GPHN: variants seen among roughly 807,000 people sequenced by gnomAD.
GPHN encodes gephyrin.
In GPHN, 17 loss-of-function variants were observed where a neutral mutation model predicts 95.5. That is an observed-to-expected ratio of 0.18 (90% confidence interval 0.12 to 0.27). GPHN has a LOEUF of 0.27. GPHN is among the 10% of genes least tolerant of loss of function. The pLI is 1.00. For synonymous variants in GPHN, 320 were observed against 322.5 expected (o/e 0.99, Z 0.08); for missense variants, 660 against 978.1 (o/e 0.67, Z 4.34).
At chr14:67,317,495 AG>A in the GPHN span, 1 of 1,561,104 alleles carries the variant, frequency 6.4e-7, no homozygotes, top group South Asian at 1.1e-5. Context: ...TTCTACTCTC[AG>A]GGATAGGTGG....
At chr14:67,629,393 C>CT in the GPHN span, among the ~76,000 whole-genome samples, 1 of 152,290 alleles carries the variant, frequency 6.6e-6, no homozygotes, top group East Asian at 1.9e-4. Context: ...TATGGGTGAA[C>CT]TTTGAGGACA....
the GPHN span, among the ~76,000 whole-genome samples, chr14:67,470,038 C>T: frequency 6.6e-6 from 1 of 152,274 alleles, no homozygotes; most frequent in African/African-American, 2.4e-5. Context: ...TCACATTATG[C>T]CACCTGAGAA....
At chr14:67,481,344 G>T in the GPHN span, among the ~76,000 whole-genome samples, 3 of 152,176 alleles carry the variant, frequency 2.0e-5, no homozygotes, top group Non-Finnish European at 4.4e-5. Flanking sequence ...AATATGGTGT[G>T]CCCCAAGCCC....
At chr14:67,645,619 C>T in the GPHN span, 3 of 1,604,400 alleles carry the variant, frequency 1.9e-6, no homozygotes, top group Non-Finnish European at 2.6e-6. Context: ...AGAGGGCCTT[C>T]AAGATTATAC....
chr14:67,726,373 G>T, the GPHN span, among the ~76,000 whole-genome samples: 2 of 152,156 alleles, frequency 1.3e-5, no homozygotes, highest in African/African-American at 4.8e-5. Context: ...CAAATTTCAG[G>T]AAATACCAGG....
At chr14:66,560,875 G>C (rs910338596) in intron 1 of GPHN, among the ~76,000 whole-genome samples, 6 of 151,998 alleles carry the variant, frequency 3.9e-5, no homozygotes, top group African/African-American at 1.4e-4. Context: ...ATCAGCTGTG[G>C]GTTTGTCATA....
the GPHN span, among the ~76,000 whole-genome samples, chr14:67,358,946 T>C: frequency 6.6e-6 from 1 of 152,294 alleles, no homozygotes; most frequent in South Asian, 2.1e-4. Flanking sequence ...AAGACACTCT[T>C]TCATCCTGGA....
intron 5 of GPHN, among the ~76,000 whole-genome samples, chr14:66,911,639 G>A (rs979505586): frequency 1.3e-5 from 2 of 151,840 alleles, no homozygotes; most frequent in African/African-American, 4.8e-5. Context: ...ATACCTTGTT[G>A]TGTATTTAAT....
At chr14:67,317,705 G>GT in the GPHN span, among the ~76,000 whole-genome samples, 1 of 152,066 alleles carries the variant, frequency 6.6e-6, no homozygotes, top group South Asian at 2.1e-4. Context: ...GTTTCCTGTA[G>GT]TTTTTTTCTA....
At chr14:66,750,944 G>A (rs1027719509) in intron 2 of GPHN, among the ~76,000 whole-genome samples, 2 of 151,928 alleles carry the variant, frequency 1.3e-5, no homozygotes, top group African/African-American at 4.8e-5. Flanking sequence ...ATTTTGTTGG[G>A]CTTGGATCAG....
chr14:66,898,170 TCA>T (rs980322369), intron 5 of GPHN, among the ~76,000 whole-genome samples: 1 of 151,996 alleles, frequency 6.6e-6, no homozygotes, highest in Non-Finnish European at 1.5e-5. Context: ...TTTTTCCTCT[TCA>T]CAGTGTCATT....
chr14:67,098,087 T>C (rs1036894189), intron 12 of GPHN, among the ~76,000 whole-genome samples: 10 of 152,192 alleles, frequency 6.6e-5, no homozygotes, highest in African/African-American at 2.4e-4. Context: ...GGCACATGTA[T>C]ACATATGTAA....
At chr14:67,196,904 T>A in the GPHN span, 1 of 152,128 alleles carries the variant, frequency 6.6e-6, no homozygotes, top group Non-Finnish European at 1.5e-5. Context: ...AGAATTGAAA[T>A]TAGTTTCTTT....
At chr14:67,137,958 C>G (rs557998482) in intron 17 of GPHN, among the ~76,000 whole-genome samples, 1 of 152,228 alleles carries the variant, frequency 6.6e-6, no homozygotes, top group South Asian at 2.1e-4. Context: ...AATAGCCCCT[C>G]TAGTGGCAGT....
At chr14:66,689,043 C>T (rs1218006907) in intron 2 of GPHN, among the ~76,000 whole-genome samples, 1 of 151,924 alleles carries the variant, frequency 6.6e-6, no homozygotes, top group Non-Finnish European at 1.5e-5. Flanking sequence ...TGCACATGTA[C>T]CCTAGAACTT....
At chr14:67,650,830 G>C in the GPHN span, 14 of 1,614,188 alleles carry the variant, frequency 8.7e-6, no homozygotes, top group Middle Eastern at 1.6e-4. Context: ...GCTTTGGTCA[G>C]ACAAGAGAAG....
At chr14:66,756,854 G>A (rs550484279) in intron 2 of GPHN, among the ~76,000 whole-genome samples, 1 of 152,310 alleles carries the variant, frequency 6.6e-6, no homozygotes, top group South Asian at 2.1e-4. Flanking sequence ...GTTTATTTAA[G>A]TCTGAATCAT....
chr14:67,199,819 C>T, the GPHN span: 6 of 1,505,652 alleles, frequency 4.0e-6, no homozygotes, highest in African/African-American at 5.6e-5. Flanking sequence ...CTGGAGCCCT[C>T]CCACCTGGGA....
chr14:67,304,791 A>G, the GPHN span, among the ~76,000 whole-genome samples: 2 of 150,454 alleles, frequency 1.3e-5, no homozygotes, highest in African/African-American at 2.5e-5. Flanking sequence ...TATGAATTAT[A>G]TATCAATAAA....
Sources: gnomAD v4.1 joint callset for allele counts (sites outside exome capture counted in the v4.1 genomes callset) on GRCh38, gnomAD v4.1.1 for gene constraint, MANE v1.5 for transcripts, NCBI Gene and HGNC (gene_info 2026-07-23, HGNC 2026-07-21) for gene names.